The following PGM5 variants were observed in gnomAD, a reference collection of about 807,000 sequenced individuals.
PGM5 encodes phosphoglucomutase 5.
In PGM5, 23 loss-of-function variants were observed where a neutral mutation model predicts 59.2. That is an observed-to-expected ratio of 0.39 (90% CI 0.28 to 0.55). PGM5 has a LOEUF of 0.55. Ranked by LOEUF, PGM5 falls within the 20% of genes least tolerant of loss-of-function variation. The pLI is 0.66. For synonymous variants in PGM5, 214 were observed against 286.0 expected, an observed-to-expected ratio of 0.75 and a Z score of 2.54; for missense variants, 574 against 748.3, an observed-to-expected ratio of 0.77 and a Z score of 2.72.
chr9:68,473,906 A>G lies in PGM5; in HGVS notation c.1160-5512A>G, dbSNP rs1437329413. On this transcript the variant is annotated intron_variant, in intron 7 of 10. Transcript: ENST00000396396. ...AGAACCCCCCCATGTGAGCAAGGCCAGGGCCGTGAATTAAATGAGAGACCC... is the reference window on the plus strand; with the variant it reads ...AGAACCCCCCCATGTGAGCAAGGCCGGGGCCGTGAATTAAATGAGAGACCC... Among the ~76,000 whole-genome samples the G allele has an allele frequency of 3.3e-5, 5 of 152,186 alleles. 1 individual carries two copies. The South Asian group carries it at 8.3e-4, about 25-fold the overall frequency.
chr9:68,406,426 G>A (rs1822811037), intron 6 of PGM5: 1 of 149,552 alleles, frequency 6.7e-6, no homozygotes, highest in South Asian at 2.2e-4. Context: ...GCTAGCTCAG[G>A]TCTCTCTTCC....
At chr9:68,426,165 G>GTATAAT (rs1554682686) in intron 6 of PGM5, among the ~76,000 whole-genome samples, 7 of 152,004 alleles carry the variant, frequency 4.6e-5, no homozygotes, top group South Asian at 4.2e-4. Flanking sequence ...ATGGAAAGGA[G>GTATAAT]GAATTTGGGG....
At chr9:68,491,151 G>A (rs1564020392) in intron 9 of PGM5, among the ~76,000 whole-genome samples, 1 of 152,194 alleles carries the variant, frequency 6.6e-6, no homozygotes, top group Non-Finnish European at 1.5e-5. Flanking sequence ...CAGGACAGTT[G>A]AGATTCCTGT....
At chr9:68,488,503 G>GTCA (rs2132096876) in intron 9 of PGM5, among the ~76,000 whole-genome samples, 1 of 152,314 alleles carries the variant, frequency 6.6e-6, no homozygotes, top group African/African-American at 2.4e-5. Flanking sequence ...ATCCTGCCTG[G>GTCA]CTTTATGGGA....
intron 6 of PGM5, among the ~76,000 whole-genome samples, chr9:68,409,611 A>T (rs1201226567): frequency 7.7e-5 from 3 of 39,044 alleles, no homozygotes; most frequent in East Asian, 3.1e-4. Flanking sequence ...CATTCTCAGT[A>T]AACTATCGCA....
chr9:68,358,510 C>T (rs1554675994), intron 1 of PGM5, among the ~76,000 whole-genome samples: 2 of 152,200 alleles, frequency 1.3e-5, no homozygotes, highest in Non-Finnish European at 2.9e-5. Flanking sequence ...ATTCATGCAA[C>T]CAGACCCACA....
intron 6 of PGM5, chr9:68,426,973 CA>C (rs1823249706): frequency 6.6e-6 from 1 of 152,214 alleles, no homozygotes; most frequent in Admixed American, 6.5e-5. Context: ...AGTGATTAAT[CA>C]ATGGAGCTAA....
intron 6 of PGM5, among the ~76,000 whole-genome samples, chr9:68,392,933 A>C (rs1301635685): frequency 6.6e-6 from 1 of 152,168 alleles, no homozygotes; most frequent in African/African-American, 2.4e-5. Context: ...TCAAATGCTA[A>C]CTTATAGCCT....
At chr9:68,479,996 C>T (rs1297804063) in intron 8 of PGM5, among the ~76,000 whole-genome samples, 1 of 152,072 alleles carries the variant, frequency 6.6e-6, no homozygotes, top group Admixed American at 6.6e-5. Flanking sequence ...TGAATCACCC[C>T]TTATAGATAG....
intron 6 of PGM5, among the ~76,000 whole-genome samples, chr9:68,419,561 C>T (rs533611034): frequency 2.4e-4 from 36 of 152,176 alleles, no homozygotes; most frequent in East Asian, 7.7e-4. Flanking sequence ...TTTAGGGGTC[C>T]GGGGAAAGAA....
chr9:68,405,945 T>C (rs1450527152), intron 6 of PGM5: 1 of 152,272 alleles, frequency 6.6e-6, no homozygotes, highest in African/African-American at 2.4e-5. Flanking sequence ...AGGATAGAGC[T>C]GGGGAGTGTT....
At chr9:68,376,819 T>TTCTTTC (rs1554677765) in intron 1 of PGM5, among the ~76,000 whole-genome samples, 5,031 of 89,922 alleles carry the variant, frequency 0.056, 159 homozygotes, top group Non-Finnish European at 0.059. Flanking sequence ...CTTTCTTTCT[T>TTCTTTC]TCTTTCTTTC....
chr9:68,515,569 T>C (rs1364560322), intron 10 of PGM5, among the ~76,000 whole-genome samples: 7 of 152,204 alleles, frequency 4.6e-5, no homozygotes, highest in African/African-American at 1.7e-4. Context: ...GATTGTACTC[T>C]CTCTGGCTGG....
At chr9:68,364,189 A>G (rs1400892311) in intron 1 of PGM5, among the ~76,000 whole-genome samples, 2 of 151,420 alleles carry the variant, frequency 1.3e-5, no homozygotes, top group Non-Finnish European at 3.0e-5. Flanking sequence ...GCTGAAATGC[A>G]GTGGTATGCA....
intron 7 of PGM5, among the ~76,000 whole-genome samples, chr9:68,469,712 C>G (rs549438425): frequency 2.7e-4 from 41 of 152,212 alleles, no homozygotes; most frequent in African/African-American, 9.6e-4. Flanking sequence ...TTTCTCAGCT[C>G]TATTTCTTTG....
At chr9:68,487,445 C>CTT (rs1554687609) in intron 9 of PGM5, among the ~76,000 whole-genome samples, 1 of 121,936 alleles carries the variant, frequency 8.2e-6, no homozygotes, top group African/African-American at 4.0e-5. Context: ...CTCTCTCTCT[C>CTT]TCTGTGTCAC....
intron 6 of PGM5, among the ~76,000 whole-genome samples, chr9:68,440,936 G>A (rs1163605165): frequency 1.3e-5 from 2 of 151,984 alleles, no homozygotes; most frequent in African/African-American, 4.8e-5. Flanking sequence ...AAGATGAAAA[G>A]AGAGAAGACA....
intron 7 of PGM5, among the ~76,000 whole-genome samples, chr9:68,472,951 T>TA (rs1554686366): frequency 6.6e-6 from 1 of 152,256 alleles, no homozygotes; most frequent in African/African-American, 2.4e-5. Flanking sequence ...CTTTGTTCTC[T>TA]AATTGATGAA....
rs1456087426 is a variant in PGM5, at chr9:68,530,920, G to T, written c.*1264G>T. On this transcript the variant is annotated 3_prime_UTR_variant, in exon 11 of 11. Coordinates refer to ENST00000396396, the MANE Select transcript of PGM5 (RefSeq NM_021965.4). ...GTGCACTTTGACTGTTAAGCAATGCGTTATTGCTGTAGTCAAGGTTAGTGC... is the reference window on the plus strand; with the variant it reads ...GTGCACTTTGACTGTTAAGCAATGCTTTATTGCTGTAGTCAAGGTTAGTGC... 2 of 152,214 alleles carry T rather than the reference G, an allele frequency of 1.3e-5. No individual in the cohort carries two copies. The highest frequency in any genetic ancestry group is 6.5e-5 in the Admixed American group (1 of 15,280). 9.4% of individuals were successfully genotyped at this position (152,214 alleles called of 1,614,324 possible). A position where few individuals can be genotyped will look rare whatever the true frequency, so the allele number is the denominator to read the frequency against.
Sources: gnomAD v4.1 joint callset for allele counts (sites outside exome capture counted in the v4.1 genomes callset) on GRCh38, gnomAD v4.1.1 for gene constraint, MANE v1.5 for transcripts, NCBI Gene and HGNC (gene_info 2026-07-23, HGNC 2026-07-21) for gene names.